Variants in LRRC4C observed in about 807,000 individuals in gnomAD.
The protein encoded by LRRC4C is leucine rich repeat containing 4C.
In LRRC4C, 5 loss-of-function variants were observed where a neutral mutation model predicts 33.6. That is an observed-to-expected ratio of 0.15 (90% CI 0.08 to 0.31). The LOEUF (loss-of-function observed/expected upper bound fraction) is 0.31. Ranked by LOEUF, LRRC4C falls within the 10% of genes least tolerant of loss-of-function variation. The pLI, the probability that LRRC4C is intolerant of heterozygous loss-of-function variation, is 1.00. For missense variants in LRRC4C, 560 were observed against 796.7 expected (o/e 0.70, Z 3.58); for synonymous variants, 329 against 302.0 (o/e 1.09, Z -0.93).
rs1430359875 is a variant in LRRC4C at position 40,359,416 on chromosome 11, CT to C, written c.-269-39696del. The stretch of plus-strand genomic sequence containing the variant: ...AGTTCAGCTTCCTCAGTAGACAGAA[CT>C]TTTTTTCCCCAAAGCCATCCATTAT... On this transcript the variant is annotated intron_variant, in intron 3 of 6. Transcript: ENST00000528697. Among the ~76,000 whole-genome samples, 8 of 152,252 alleles carry C rather than the reference CT, an allele frequency of 5.3e-5. 1 individual carries two copies. The South Asian group carries it at 8.3e-4, about 16-fold the overall frequency.
At chr11:40,477,306 A>G (rs1408820505) in intron 3 of LRRC4C, among the ~76,000 whole-genome samples, 1 of 148,494 alleles carries the variant, frequency 6.7e-6, no homozygotes, top group Non-Finnish European at 1.5e-5. Flanking sequence ...AGACAACATC[A>G]AGAAAAAAAA....
chr11:41,024,798 A>G (rs1189106633), intron 1 of LRRC4C, among the ~76,000 whole-genome samples: 1 of 151,678 alleles, frequency 6.6e-6, no homozygotes, highest in Non-Finnish European at 1.5e-5. Context: ...AATTTTTTAC[A>G]TATGGAAAGT....
At chr11:40,470,178 A>C (rs1329426944) in intron 3 of LRRC4C, among the ~76,000 whole-genome samples, 1 of 152,162 alleles carries the variant, frequency 6.6e-6, no homozygotes, top group Admixed American at 6.5e-5. Context: ...GAAGCTTTCA[A>C]TGGAAAAAAC....
rs549054131 is a variant in LRRC4C at position 40,427,226 on chromosome 11, G to A, written c.-269-107505C>T. On this transcript the variant is annotated intron_variant, in intron 3 of 6. Transcript: ENST00000528697. Reference sequence around the variant, plus strand: ...CTTTAAAAAAATTAAGTTGAGGACCGGGCATGGTGGCTCACGCCTGTAATC... The same window carrying A: ...CTTTAAAAAAATTAAGTTGAGGACCAGGCATGGTGGCTCACGCCTGTAATC... 2.6e-5 allele frequency among the ~76,000 whole-genome samples: 4 copies of A among 152,154 alleles called. No homozygotes were observed. In the South Asian group the frequency reaches 8.3e-4, roughly 32 times the overall value.
At chr11:40,523,994 A>C (rs1370316356) in intron 3 of LRRC4C, among the ~76,000 whole-genome samples, 1 of 152,122 alleles carries the variant, frequency 6.6e-6, no homozygotes. Context: ...AATACTCTCC[A>C]ATCTAACTTT....
intron 1 of LRRC4C, among the ~76,000 whole-genome samples, chr11:41,439,169 G>C (rs1333872478): frequency 6.6e-6 from 1 of 151,982 alleles, no homozygotes; most frequent in African/African-American, 2.4e-5. Flanking sequence ...GTAGGATAAT[G>C]GTCTCCAACT....
intron 2 of LRRC4C, among the ~76,000 whole-genome samples, chr11:40,716,549 T>G (rs374935053): frequency 7.9e-5 from 12 of 152,094 alleles, no homozygotes; most frequent in African/African-American, 2.2e-4. Context: ...GAAGGGAAGT[T>G]GGAGGTATGT....
chr11:40,121,302 T>G (rs954035775), intron 6 of LRRC4C, among the ~76,000 whole-genome samples: 16 of 152,210 alleles, frequency 1.1e-4, no homozygotes, highest in African/African-American at 3.9e-4. Flanking sequence ...TAATGAGATT[T>G]TCTATAAATC....
At position 40,116,268 on chromosome 11, in the gene LRRC4C, G is replaced by A; in HGVS notation, c.25C>T (p.Pro9Ser). The part of the protein sequence containing the change: MLNKMTLH[P>S]QQIMIGPRFN... ...CTAGGACCTATCATTATCTGCTGTG[G>A]ATGTAAGGTCATCTTGTTCAACATT... Residue 9 changes from proline to serine, a missense_variant, in exon 7 of 7, where the codon CCA becomes TCA. Transcript: ENST00000528697. The A allele has an allele frequency of 6.2e-7, 1 of 1,600,830 alleles. No individual in the cohort carries two copies. Among genetic ancestry groups the A allele is most frequent in the Non-Finnish European group, 8.5e-7 (1 of 1,170,110 alleles).
chr11:41,391,123 T>A (rs1180214004), intron 1 of LRRC4C, among the ~76,000 whole-genome samples: 2 of 151,930 alleles, frequency 1.3e-5, no homozygotes, highest in South Asian at 4.1e-4. Context: ...AATCAGTGAC[T>A]CTTAAACTCT....
At chr11:40,916,477 C>T (rs544210766) in intron 2 of LRRC4C, among the ~76,000 whole-genome samples, 6 of 151,950 alleles carry the variant, frequency 3.9e-5, no homozygotes, top group Admixed American at 1.3e-4. Flanking sequence ...TGTTCTCACT[C>T]GTAGGTGGGA....
In LRRC4C at chr11:40,399,264, C is replaced by T. The variant is rs556883543; in HGVS notation, c.-269-79543G>A. On this transcript the variant is annotated intron_variant, in intron 3 of 6. Transcript: ENST00000528697. ...TTTATTGTGGCACTATTCACAATAG[C>T]AAAGACTGGGAACCAACCCAAATGT... 5.9e-5 allele frequency among the ~76,000 whole-genome samples: 9 copies of T among 152,192 alleles called. No homozygotes were observed. In the South Asian group the frequency reaches 1.9e-3, roughly 32 times the overall value.
At chr11:40,500,078 G>A (rs1368670434) in intron 3 of LRRC4C, among the ~76,000 whole-genome samples, 1 of 151,956 alleles carries the variant, frequency 6.6e-6, no homozygotes. Flanking sequence ...AAATAATGAA[G>A]TGTTCAGTGG....
chr11:41,100,999 CAACTCA>C (rs1941140364), intron 1 of LRRC4C, among the ~76,000 whole-genome samples: 1 of 151,794 alleles, frequency 6.6e-6, no homozygotes, highest in Admixed American at 6.6e-5. Context: ...ATACAAAAGT[CAACTCA>C]AGATGGATTA....
At chr11:41,308,627 T>A (rs34607071) in intron 1 of LRRC4C, among the ~76,000 whole-genome samples, 3,166 of 152,252 alleles carry the variant, frequency 0.021, 47 homozygotes, top group Non-Finnish European at 0.033. Flanking sequence ...TTCTGATTTT[T>A]AAGATGATTA....
chr11:41,299,630 CATCA>C (rs1950232580), intron 1 of LRRC4C, among the ~76,000 whole-genome samples: 4 of 151,972 alleles, frequency 2.6e-5, no homozygotes, highest in Admixed American at 2.0e-4. Flanking sequence ...ATTTATGATC[CATCA>C]TGAATTTAGA....
At chr11:40,212,803 A>T (rs187589351) in intron 5 of LRRC4C, among the ~76,000 whole-genome samples, 1 of 152,172 alleles carries the variant, frequency 6.6e-6, no homozygotes, top group East Asian at 1.9e-4. Context: ...TTGGAATCCA[A>T]GCAGGGTAGT....
chr11:41,457,490 A>G (rs1284680420), intron 1 of LRRC4C, among the ~76,000 whole-genome samples: 2 of 152,144 alleles, frequency 1.3e-5, no homozygotes, highest in East Asian at 3.9e-4. Flanking sequence ...TTCTCCTTAC[A>G]ACAGAAACTT....
intron 3 of LRRC4C, among the ~76,000 whole-genome samples, chr11:40,431,298 G>A (rs1308434956): frequency 7.3e-5 from 11 of 149,836 alleles, no homozygotes; most frequent in South Asian, 2.1e-4. Context: ...GTGGTGGTGC[G>A]TGCCTGTAAT....
Sources: gnomAD v4.1 joint callset for allele counts (sites outside exome capture counted in the v4.1 genomes callset) on GRCh38, gnomAD v4.1.1 for gene constraint, MANE v1.5 for transcripts, NCBI Gene and HGNC (gene_info 2026-07-23, HGNC 2026-07-21) for gene names.